The following JDP2 variants were observed in gnomAD, a reference collection of about 807,000 sequenced individuals.
JDP2 encodes the protein progesterone receptor co-activator.
JDP2 carries 9 observed loss-of-function variants against 17.1 expected under a neutral mutation model. The observed-to-expected ratio is 0.53, with a 90% CI of 0.32 to 0.92. JDP2 has a LOEUF of 0.92. Among genes scored for constraint, JDP2 ranks in the 40% least tolerant of loss-of-function variants. JDP2 has a pLI of 0.04. For synonymous variants in JDP2, 107 were observed against 95.6 expected (o/e 1.12, Z -0.69); for missense variants, 179 against 220.0 (o/e 0.81, Z 1.18).
chr14:75,428,019 C>T (rs1317446232), upstream of JDP2: 1 of 149,282 alleles, frequency 6.7e-6, no homozygotes, highest in Non-Finnish European at 1.5e-5. The surrounding 1 kb of genome is among the most constrained non-coding windows in gnomAD (Gnocchi z 5.6). Context: ...TGCAACCCGT[C>T]CCGCCGCCCG....
intron 2 of JDP2, among the ~76,000 whole-genome samples, chr14:75,455,244 G>A (rs1256727716): frequency 6.6e-6 from 1 of 152,078 alleles, no homozygotes; most frequent in Non-Finnish European, 1.5e-5. Flanking sequence ...TTGTGCTGTT[G>A]GCCAACCACA....
chr14:75,464,328 A>C (rs984453458), intron 3 of JDP2, among the ~76,000 whole-genome samples: 1 of 152,234 alleles, frequency 6.6e-6, no homozygotes, highest in Non-Finnish European at 1.5e-5. Context: ...AGTTGGGACA[A>C]ATATCTACAG....
chr14:75,464,644 A>G (rs1294620979), intron 3 of JDP2, among the ~76,000 whole-genome samples: 1 of 151,922 alleles, frequency 6.6e-6, no homozygotes, highest in African/African-American at 2.4e-5. Flanking sequence ...AGACAACTGT[A>G]TATATGTCAT....
At chr14:75,465,927 A>G (rs1886552961) in intron 3 of JDP2, among the ~76,000 whole-genome samples, 1 of 152,246 alleles carries the variant, frequency 6.6e-6, no homozygotes, top group Non-Finnish European at 1.5e-5. Flanking sequence ...CCGGAGGTAT[A>G]TGCTTCATAA....
intron 2 of JDP2, among the ~76,000 whole-genome samples, chr14:75,446,652 G>GA: frequency 6.6e-6 from 1 of 152,314 alleles, no homozygotes; most frequent in East Asian, 1.9e-4. Context: ...TTACCTAGGG[G>GA]TGGGGAGATG....
intron 2 of JDP2, among the ~76,000 whole-genome samples, chr14:75,442,400 A>T (rs1885397038): frequency 6.6e-6 from 1 of 152,094 alleles, no homozygotes; most frequent in Non-Finnish European, 1.5e-5. Context: ...CGCATTCCCC[A>T]CTACTCACTG....
chr14:75,439,528 T>C (rs944860551), intron 2 of JDP2, among the ~76,000 whole-genome samples: 2 of 152,258 alleles, frequency 1.3e-5, no homozygotes, highest in Non-Finnish European at 2.9e-5. Context: ...TTCGTGATCC[T>C]ACTTACATTG....
At chr14:75,431,457 C>T (rs570851439) in intron 1 of JDP2, among the ~76,000 whole-genome samples, 1 of 152,264 alleles carries the variant, frequency 6.6e-6, no homozygotes, top group African/African-American at 2.4e-5. Flanking sequence ...TGAAGCAGTG[C>T]AGGGATGGAG....
intron 3 of JDP2, among the ~76,000 whole-genome samples, chr14:75,462,721 T>C (rs904195095): frequency 2.6e-5 from 4 of 152,140 alleles, no homozygotes; most frequent in African/African-American, 9.7e-5. Context: ...CAAGGCTAGA[T>C]TGGCCTGGTG....
intron 2 of JDP2, among the ~76,000 whole-genome samples, chr14:75,459,024 A>G (rs909904087): frequency 6.6e-6 from 1 of 152,220 alleles, no homozygotes; most frequent in African/African-American, 2.4e-5. Flanking sequence ...CTGCTAAAGC[A>G]GCTTCTGTCT....
At chr14:75,444,720 T>G (rs1885515694) in intron 2 of JDP2, among the ~76,000 whole-genome samples, 1 of 152,214 alleles carries the variant, frequency 6.6e-6, no homozygotes, top group South Asian at 2.1e-4. Flanking sequence ...TTGACTGCAG[T>G]GCAGTATGTC....
At chr14:75,439,099 C>T (rs1250693302) in intron 2 of JDP2, among the ~76,000 whole-genome samples, 1 of 152,030 alleles carries the variant, frequency 6.6e-6, no homozygotes, top group Non-Finnish European at 1.5e-5. Context: ...GGGGGGAGCT[C>T]GGAGGGCTGA....
intron 1 of JDP2, among the ~76,000 whole-genome samples, chr14:75,429,630 G>T (rs992618991): frequency 6.6e-6 from 1 of 152,150 alleles, no homozygotes; most frequent in African/African-American, 2.4e-5. Context: ...ATCTTCCTTT[G>T]CAGGTTTCTA....
chr14:75,447,015 A>G (rs1224387891), intron 2 of JDP2, among the ~76,000 whole-genome samples: 2 of 152,198 alleles, frequency 1.3e-5, no homozygotes, highest in Admixed American at 6.5e-5. Flanking sequence ...GCTAGTATCT[A>G]TCCAGGAGCA....
At chr14:75,464,200 T>C (rs1470865704) in intron 3 of JDP2, among the ~76,000 whole-genome samples, 1 of 152,220 alleles carries the variant, frequency 6.6e-6, no homozygotes, top group Non-Finnish European at 1.5e-5. Flanking sequence ...TGACAGTCAG[T>C]GCCTGCAGAC....
chr14:75,437,058 G>A (rs1231087299), intron 1 of JDP2, among the ~76,000 whole-genome samples: 1 of 152,058 alleles, frequency 6.6e-6, no homozygotes, highest in Admixed American at 6.5e-5. Flanking sequence ...GCTGGGCGTG[G>A]TGGCAGGTGC....
At position 75,438,067 on chromosome 14, in the gene JDP2, C is replaced by G; in HGVS notation, c.147C>G (p.Pro49=). The change falls in exon 2 of 4, where the codon CCC becomes CCG. Residue 49 remains proline (P), a synonymous_variant. Transcript: ENST00000651602. ...DIRNLGAMIA[P]LHFLEVKLGK... ...GCAACCTCGGGGCCATGATTGCACCCTTGCACTTCCTGGAGGTGAAACTGG... is the reference window on the plus strand; with the variant it reads ...GCAACCTCGGGGCCATGATTGCACCGTTGCACTTCCTGGAGGTGAAACTGG... The G allele has an allele frequency of 2.5e-6, 4 of 1,613,834 alleles. No homozygotes were observed. The highest frequency in any genetic ancestry group is 3.4e-6 in the Non-Finnish European group (4 of 1,179,832).
At chr14:75,463,469 T>C (rs1375480468) in intron 3 of JDP2, among the ~76,000 whole-genome samples, 3 of 151,842 alleles carry the variant, frequency 2.0e-5, no homozygotes, top group Non-Finnish European at 2.9e-5. Context: ...GGCAGTGGGA[T>C]GGGAGGCAGG....
At chr14:75,441,047 C>T (rs975169971) in intron 2 of JDP2, among the ~76,000 whole-genome samples, 1 of 152,060 alleles carries the variant, frequency 6.6e-6, no homozygotes, top group East Asian at 1.9e-4. Flanking sequence ...GCAGAATGTT[C>T]GATCATTTTG....
Sources: allele counts gnomAD v4.1 joint callset (sites outside exome capture counted in the v4.1 genomes callset), GRCh38; gene constraint gnomAD v4.1.1; non-coding constraint Gnocchi (gnomAD v3.1); transcripts MANE v1.5; gene names NCBI Gene and HGNC (gene_info 2026-07-23, HGNC 2026-07-21).